Variants in TFDP2 observed in about 807,000 individuals in gnomAD.
TFDP2 encodes transcription factor Dp-2.
A neutral mutation model predicts 59.3 loss-of-function variants in TFDP2; 17 were observed. That is an observed-to-expected ratio of 0.29 (90% CI 0.20 to 0.43). The LOEUF (loss-of-function observed/expected upper bound fraction) is 0.43, where lower values mean the gene tolerates loss of function less well. Ranked by LOEUF, TFDP2 falls within the 20% of genes least tolerant of loss-of-function variation. The probability of loss-of-function intolerance (pLI) is 1.00; values close to 1 mark genes in which losing one functional copy is unlikely to be tolerated. For synonymous variants in TFDP2, 180 were observed against 194.7 expected, an observed-to-expected ratio of 0.92 and a Z score of 0.63; for missense variants, 391 against 528.8, an observed-to-expected ratio of 0.74 and a Z score of 2.56.
rs1217075790 is a variant in TFDP2, at chr3:142,052,271, C to T, written c.82+40790G>A. Among the ~76,000 whole-genome samples the T allele has an allele frequency of 3.3e-5, 5 of 152,096 alleles. No individual in the cohort carries two copies. The East Asian group carries it at 7.7e-4, about 23-fold the overall frequency. On this transcript the variant is annotated intron_variant, in intron 3 of 12. Coordinates refer to ENST00000489671, the MANE Select transcript of TFDP2 (RefSeq NM_001178139.2). ...CCTTAGTATTGGCCGTGCGCGGTGG[C>T]TCACGCCTATAATCCCAGCACTTTG...
At chr3:142,146,730 A>C (rs1001856276) in intron 1 of TFDP2, among the ~76,000 whole-genome samples, 5 of 152,220 alleles carry the variant, frequency 3.3e-5, no homozygotes, top group African/African-American at 1.2e-4. Context: ...TGAACTAAAC[A>C]AATCCACAAG....
At chr3:141,981,152 G>T (rs376184335) in intron 6 of TFDP2, among the ~76,000 whole-genome samples, 2 of 151,904 alleles carry the variant, frequency 1.3e-5, no homozygotes, top group Non-Finnish European at 2.9e-5. Context: ...CTTTTACAAG[G>T]TATTTTTACT....
At chr3:142,034,792 T>G (rs900381360) in intron 3 of TFDP2, among the ~76,000 whole-genome samples, 19 of 151,142 alleles carry the variant, frequency 1.3e-4, no homozygotes, top group Non-Finnish European at 2.1e-4. Flanking sequence ...CTCGGCTCAC[T>G]GAAAGCTCTG....
At chr3:142,133,172 A>G (rs1311367424) in intron 1 of TFDP2, among the ~76,000 whole-genome samples, 2 of 150,220 alleles carry the variant, frequency 1.3e-5, no homozygotes, top group Non-Finnish European at 2.9e-5. Context: ...TGTAATTATA[A>G]TACTATATGT....
chr3:141,986,175 TTTC>T (rs1429417750), intron 6 of TFDP2, among the ~76,000 whole-genome samples: 1 of 152,178 alleles, frequency 6.6e-6, no homozygotes, highest in Admixed American at 6.5e-5. Context: ...AAGCTTTCCT[TTTC>T]TTCTTATGTA....
chr3:142,035,799 C>T (rs1028402212), intron 3 of TFDP2, among the ~76,000 whole-genome samples: 2 of 152,324 alleles, frequency 1.3e-5, no homozygotes, highest in African/African-American at 2.4e-5. Context: ...TGCTGCCATA[C>T]ACATAAGACA....
At position 142,095,551 on chromosome 3, in the gene TFDP2, G is replaced by A. The variant is rs553616693; in HGVS notation, c.16-2424C>T. Among the ~76,000 whole-genome samples the A allele has an allele frequency of 3.3e-5, 5 of 152,176 alleles. No homozygotes were observed. In the South Asian group the frequency reaches 1.0e-3, roughly 32 times the overall value. ...GCTGAGACTAAGTCATCTAGAAAAT[G>A]GCCTCTTAATTCTATGTAGATAATA... On this transcript the variant is annotated intron_variant, in intron 2 of 12. Coordinates refer to ENST00000489671, the MANE Select transcript of TFDP2 (RefSeq NM_001178139.2).
At chr3:141,986,835 A>G (rs1317353765) in intron 6 of TFDP2, among the ~76,000 whole-genome samples, 1 of 151,956 alleles carries the variant, frequency 6.6e-6, no homozygotes, top group East Asian at 1.9e-4. Context: ...CATTGTAGCC[A>G]TTCTGATGGA....
chr3:142,002,282 A>G (rs940297599), intron 4 of TFDP2, among the ~76,000 whole-genome samples: 1 of 148,564 alleles, frequency 6.7e-6, no homozygotes, highest in African/African-American at 2.5e-5. Context: ...GGTATAAGCC[A>G]CTGCACCCGG....
At position 141,946,304 on chromosome 3, in the gene TFDP2, T is replaced by A. The variant is rs957138539; in HGVS notation, c.*6209A>T. On this transcript the variant is annotated 3_prime_UTR_variant, in exon 13 of 13. Coordinates refer to ENST00000489671, the MANE Select transcript of TFDP2 (RefSeq NM_001178139.2). Reference sequence around the variant, plus strand: ...GGCCTGACCCTGAGCATCAGCTACGTTGGCCTCCAATGCAGCTATAAGCAG... The same window carrying A: ...GGCCTGACCCTGAGCATCAGCTACGATGGCCTCCAATGCAGCTATAAGCAG... The A allele has an allele frequency of 6.6e-6, 1 of 152,258 alleles. No individual in the cohort carries two copies. The highest frequency in any genetic ancestry group is 1.5e-5 in the Non-Finnish European group (1 of 68,046). The allele number at this position is 152,258 out of a possible 1,614,324, so 9.4% of individuals were successfully genotyped here. A position where few individuals can be genotyped will look rare whatever the true frequency, so the allele number is the denominator to read the frequency against.
At chr3:141,983,218 T>G (rs905823393) in intron 6 of TFDP2, among the ~76,000 whole-genome samples, 1 of 152,230 alleles carries the variant, frequency 6.6e-6, no homozygotes, top group African/African-American at 2.4e-5. Context: ...ATGAGAGATT[T>G]GGTCCTGCAA....
chr3:142,100,220 T>C (rs74994065), intron 2 of TFDP2, among the ~76,000 whole-genome samples: 1 of 152,352 alleles, frequency 6.6e-6, no homozygotes, highest in African/African-American at 2.4e-5. Context: ...CACACTGTGC[T>C]GGACCCTCAG....
At chr3:142,023,510 C>T (rs2862122) in intron 3 of TFDP2, among the ~76,000 whole-genome samples, 133,640 of 152,096 alleles carry the variant, frequency 0.88, 58,963 homozygotes, top group African/African-American at 0.97. Flanking sequence ...TTAAAATAAA[C>T]GTAAAACTTT....
intron 3 of TFDP2, among the ~76,000 whole-genome samples, chr3:142,073,789 T>C (rs2060345571): frequency 6.6e-6 from 1 of 152,184 alleles, no homozygotes; most frequent in Admixed American, 6.5e-5. Context: ...TTCCAGAACA[T>C]TATCATCACT....
chr3:142,003,826 C>A (rs1331814215), intron 4 of TFDP2, among the ~76,000 whole-genome samples: 1 of 151,986 alleles, frequency 6.6e-6, no homozygotes, highest in Non-Finnish European at 1.5e-5. Flanking sequence ...TGTGTAAGGG[C>A]CAAAATGCAC....
chr3:142,025,824 C>T (rs569888840), intron 3 of TFDP2, among the ~76,000 whole-genome samples: 16 of 152,162 alleles, frequency 1.1e-4, no homozygotes, highest in African/African-American at 3.9e-4. Flanking sequence ...AAAGGCCAGG[C>T]GTGTGGGCGC....
At chr3:141,968,135 G>A (rs1243686120) in intron 9 of TFDP2, among the ~76,000 whole-genome samples, 2 of 150,216 alleles carry the variant, frequency 1.3e-5, no homozygotes, top group African/African-American at 4.9e-5. Context: ...AGTTCAAGGA[G>A]GAGTGTTTGG....
Position 141,995,255 on chromosome 3 carries a change from C to T in TFDP2, c.187-114G>A, listed in dbSNP as rs1943158656. ...TGAGGAAACCTTGCTGCCTAAAAGG[C>T]ACTTAATGTCAGTCATCTAAAAATA... On this transcript the variant is annotated intron_variant, in intron 4 of 12. Transcript: ENST00000489671. 4 of 755,786 alleles carry T rather than the reference C, an allele frequency of 5.3e-6. No homozygotes were observed. In the East Asian group the frequency reaches 9.7e-5, roughly 18 times the overall value. The allele number at this position is 755,786 out of a possible 1,614,324, so 46.8% of individuals were successfully genotyped here.
intron 3 of TFDP2, among the ~76,000 whole-genome samples, chr3:142,037,983 C>A (rs1371286269): frequency 1.3e-5 from 2 of 152,176 alleles, no homozygotes; most frequent in African/African-American, 4.8e-5. Flanking sequence ...CCCCAGAAGC[C>A]TTTCTACTGA....
Sources: gnomAD v4.1 joint callset for allele counts (sites outside exome capture counted in the v4.1 genomes callset) on GRCh38, gnomAD v4.1.1 for gene constraint, MANE v1.5 for transcripts, NCBI Gene and HGNC (gene_info 2026-07-23, HGNC 2026-07-21) for gene names.